DPP8: variants seen among roughly 807,000 people sequenced by gnomAD.
DPP8 encodes DPP VIII.
In DPP8, 31 loss-of-function variants were observed where a neutral mutation model predicts 107.5. The observed-to-expected ratio is 0.29, with a 90% CI of 0.22 to 0.39. DPP8 has a LOEUF of 0.39. Ranked by LOEUF, DPP8 falls within the 10% of genes least tolerant of loss-of-function variation. DPP8 has a pLI of 1.00. For missense variants in DPP8, 842 were observed against 1,076.1 expected, an observed-to-expected ratio of 0.78 and a Z score of 3.04; for synonymous variants, 381 against 356.6, an observed-to-expected ratio of 1.07 and a Z score of -0.77.
At chr15:65,514,173 G>T (rs1452789434) in intron 1 of DPP8, among the ~76,000 whole-genome samples, 1 of 152,176 alleles carries the variant, frequency 6.6e-6, no homozygotes, top group Non-Finnish European at 1.5e-5. Context: ...AAGTGTGTGT[G>T]CAGCTTATTT....
chr15:65,488,035 T>C (rs1443011952), intron 6 of DPP8, among the ~76,000 whole-genome samples: 1 of 152,234 alleles, frequency 6.6e-6, no homozygotes, highest in African/African-American at 2.4e-5. Context: ...GGAGATGATA[T>C]GTATACATAT....
At position 65,442,502 on chromosome 15, in the gene DPP8, C is replaced by T. The variant is rs1018474259; in HGVS notation, c.*4382G>A. 1 of 152,070 alleles carries T rather than the reference C, an allele frequency of 6.6e-6. No individual in the cohort carries two copies. Among genetic ancestry groups the T allele is most frequent in the African/African-American group, 2.4e-5 (1 of 41,404 alleles). The allele number at this position is 152,070 out of a possible 1,614,324, so 9.4% of individuals were successfully genotyped here. A position where few individuals can be genotyped will look rare whatever the true frequency, so the allele number is the denominator to read the frequency against. On this transcript the variant is annotated 3_prime_UTR_variant, in exon 20 of 20. Transcript: ENST00000300141. ...CAGCATCTTTATTGCAACAAAGAAC[C>T]TGTAATAAAATGCAAGAAAACTAAT... is the stretch of plus-strand genomic sequence containing the variant.
At chr15:65,488,538 G>A (rs1280268335) in intron 6 of DPP8, among the ~76,000 whole-genome samples, 3 of 145,442 alleles carry the variant, frequency 2.1e-5, no homozygotes, top group East Asian at 4.0e-4. Flanking sequence ...AGCCCGGGAG[G>A]CAGACTTTGC....
Position 65,467,200 on chromosome 15 carries a change from C to T in DPP8, c.1560G>A (p.Arg520=), listed in dbSNP as rs1182694552. The T allele has an allele frequency of 6.2e-7, 1 of 1,614,000 alleles. No individual in the cohort carries two copies. The highest frequency in any genetic ancestry group is 8.5e-7 in the Non-Finnish European group (1 of 1,180,024). Residue 520 remains arginine (R), a synonymous_variant, in exon 13 of 20, where the codon AGG becomes AGA. Coordinates refer to ENST00000300141, the MANE Select transcript of DPP8 (RefSeq NM_130434.5). Reference sequence around the variant, plus strand: ...CTTTGGTGCCTTCAAAATATACCAGCCTTCTGACTTCATCAACTTGGATCT... The same window carrying T: ...CTTTGGTGCCTTCAAAATATACCAGTCTTCTGACTTCATCAACTTGGATCT... The part of the protein sequence containing the change: ...GSNIQVDEVR[R]LVYFEGTKDS...
intron 1 of DPP8, chr15:65,515,635 A>G: frequency 6.2e-7 from 1 of 1,610,770 alleles, no homozygotes; most frequent in Admixed American, 1.7e-5. Context: ...TCGTCACTTA[A>G]GTAGTTTCCC....
At chr15:65,452,936 A>C (rs1310525444) in intron 17 of DPP8, among the ~76,000 whole-genome samples, 2 of 152,166 alleles carry the variant, frequency 1.3e-5, no homozygotes, top group African/African-American at 4.8e-5. Context: ...CGCACACTGC[A>C]TTCCAGCCTG....
At chr15:65,483,887 A>G (rs954615474) in intron 8 of DPP8, among the ~76,000 whole-genome samples, 2 of 152,208 alleles carry the variant, frequency 1.3e-5, no homozygotes, top group Admixed American at 1.3e-4. Context: ...TTATTCATCA[A>G]TTAAAAATAA....
At chr15:65,478,001 T>G (rs2140689759) in intron 11 of DPP8, among the ~76,000 whole-genome samples, 1 of 152,320 alleles carries the variant, frequency 6.6e-6, no homozygotes, top group Non-Finnish European at 1.5e-5. Flanking sequence ...GTGTTCTATG[T>G]ACCCATTTAC....
At chr15:65,506,708 CATAT>C (rs1023457605) in intron 3 of DPP8, among the ~76,000 whole-genome samples, 15 of 148,152 alleles carry the variant, frequency 1.0e-4, no homozygotes, top group South Asian at 2.1e-4. Context: ...ATATATTATA[CATAT>C]ATAAACATAT....
In DPP8 at chr15:65,516,848, A is replaced by C. The variant is rs1214030219; in HGVS notation, c.-12+638T>G. 2.6e-5 allele frequency: 4 copies of C among 152,376 alleles called. No homozygotes were observed. The East Asian group carries it at 7.7e-4, about 29-fold the overall frequency. 9.4% of individuals were successfully genotyped at this position (152,376 alleles called of 1,614,324 possible). A position where few individuals can be genotyped will look rare whatever the true frequency, so the allele number is the denominator to read the frequency against. On this transcript the variant is annotated intron_variant, in intron 1 of 19. Coordinates refer to ENST00000300141, the MANE Select transcript of DPP8 (RefSeq NM_130434.5). ...GGGCAAAGACCTTGAAAAACTATGAATGAGGAACAAGAGGAGAGGCATAGC... is the reference window on the plus strand; with the variant it reads ...GGGCAAAGACCTTGAAAAACTATGACTGAGGAACAAGAGGAGAGGCATAGC...
intron 15 of DPP8, among the ~76,000 whole-genome samples, chr15:65,463,084 C>T (rs569047154): frequency 6.6e-6 from 1 of 152,344 alleles, no homozygotes; most frequent in South Asian, 2.1e-4. Context: ...GCTACCAAAG[C>T]TTTCTAAAAA....
chr15:65,503,176 C>T (rs1407349831), intron 3 of DPP8, among the ~76,000 whole-genome samples: 3 of 152,138 alleles, frequency 2.0e-5, no homozygotes, highest in Non-Finnish European at 2.9e-5. Flanking sequence ...GGCGCGATCT[C>T]GGCTCACCGC....
At chr15:65,475,437 A>G (rs1449139321) in intron 11 of DPP8, 2 of 1,571,900 alleles carry the variant, frequency 1.3e-6, no homozygotes, top group East Asian at 4.6e-5. Context: ...TTATTATGGC[A>G]TTCAGGGAGC....
chr15:65,503,337 C>G (rs2069479671), intron 3 of DPP8, among the ~76,000 whole-genome samples: 2 of 152,342 alleles, frequency 1.3e-5, no homozygotes, highest in African/African-American at 4.8e-5. Flanking sequence ...AACTCCTGAT[C>G]TCAGGTGATC....
chr15:65,475,298 A>C (rs1044466885), intron 11 of DPP8: 1 of 733,266 alleles, frequency 1.4e-6, no homozygotes, highest in Non-Finnish European at 2.4e-6. Flanking sequence ...ATTCCACCCC[A>C]GTGGTAGGTG....
intron 12 of DPP8, among the ~76,000 whole-genome samples, chr15:65,468,952 T>G (rs182097523): frequency 1.3e-5 from 2 of 152,248 alleles, no homozygotes; most frequent in Admixed American, 1.3e-4. Flanking sequence ...ATTCAGGATG[T>G]CAGAGGTGGG....
rs146229258 is a variant in DPP8 at position 65,481,375 on chromosome 15, A to G, written c.1118+140T>C. On this transcript the variant is annotated intron_variant, in intron 9 of 19. Transcript: ENST00000300141. ...GCACAAATCCACTTAATTCAAGAAA[A>G]ATGCCTTGTGTAGTAATAACTGTAC... 2.4e-5 allele frequency: 15 copies of G among 625,980 alleles called. No homozygotes were observed. The African/African-American group carries it at 2.7e-4, about 11-fold the overall frequency. 38.8% of individuals were successfully genotyped at this position (625,980 alleles called of 1,614,324 possible). A position where few individuals can be genotyped will look rare whatever the true frequency, so the allele number is the denominator to read the frequency against.
chr15:65,482,375 G>A (rs1393405421), intron 8 of DPP8, among the ~76,000 whole-genome samples: 2 of 151,102 alleles, frequency 1.3e-5, no homozygotes, highest in East Asian at 1.9e-4. Flanking sequence ...TCTGCCTCCC[G>A]GGTTTAAGTG....
At chr15:65,500,017 TCC>T (rs2069037734) in intron 4 of DPP8, among the ~76,000 whole-genome samples, 1 of 152,190 alleles carries the variant, frequency 6.6e-6, no homozygotes, top group Non-Finnish European at 1.5e-5. Context: ...CACCTCAGAC[TCC>T]TGAGTATCTG....
Sources: allele counts gnomAD v4.1 joint callset (sites outside exome capture counted in the v4.1 genomes callset), GRCh38; gene constraint gnomAD v4.1.1; transcripts MANE v1.5; gene names NCBI Gene and HGNC (gene_info 2026-07-23, HGNC 2026-07-21).